FABP12: variants seen among roughly 807,000 people sequenced by gnomAD.
The protein encoded by FABP12 is fatty acid-binding protein 12.
Under a neutral mutation model 13.7 loss-of-function variants are expected in FABP12, and 19 were observed. That is an observed-to-expected ratio of 1.39 (90% CI 0.97 to 2.04). FABP12 has a LOEUF of 2.04. Ranked by LOEUF, FABP12 falls within the 30% of genes most tolerant of loss-of-function variation. The probability of loss-of-function intolerance (pLI) is 0.00; values close to 1 mark genes in which losing one functional copy is unlikely to be tolerated. For synonymous variants in FABP12, 61 were observed against 57.0 expected (o/e 1.07, Z -0.32); for missense variants, 182 against 164.2 (o/e 1.11, Z -0.59).
intron 1 of FABP12, among the ~76,000 whole-genome samples, chr8:81,584,082 C>CA (rs1810207260): frequency 1.3e-5 from 2 of 152,192 alleles, no homozygotes; most frequent in South Asian, 2.1e-4. Context: ...GGCTGAAGGA[C>CA]AAAAAACATA....
intron 1 of FABP12, among the ~76,000 whole-genome samples, chr8:81,556,677 C>A (rs1809622028): frequency 6.7e-6 from 1 of 149,020 alleles, no homozygotes; most frequent in South Asian, 2.1e-4. Flanking sequence ...ATACAAAGAT[C>A]TTCTATAACA....
chr8:81,553,699 T>A (rs1169030843), intron 1 of FABP12, among the ~76,000 whole-genome samples: 2 of 152,230 alleles, frequency 1.3e-5, no homozygotes, highest in Non-Finnish European at 2.9e-5. Context: ...CTGTGTCTCA[T>A]ACTTTCATAA....
At chr8:81,542,396 A>G (rs1320109525) in intron 1 of FABP12, among the ~76,000 whole-genome samples, 1 of 152,172 alleles carries the variant, frequency 6.6e-6, no homozygotes, top group African/African-American at 2.4e-5. Flanking sequence ...TTTGGGAAAT[A>G]TGGTCTGAAT....
chr8:81,529,719 T>C, intron 2 of FABP12, 109 bp from the exon 3 acceptor site: 2 of 994,274 alleles, frequency 2.0e-6, no homozygotes, highest in Non-Finnish European at 2.9e-6. Flanking sequence ...CTCAACATTA[T>C]CTGTATAATT....
intron 1 of FABP12, among the ~76,000 whole-genome samples, chr8:81,545,114 G>A (rs1026895917): frequency 1.3e-5 from 2 of 152,060 alleles, no homozygotes; most frequent in African/African-American, 2.4e-5. Flanking sequence ...TCCACCTCTC[G>A]GGTTCAAGCG....
intron 1 of FABP12, among the ~76,000 whole-genome samples, chr8:81,567,122 A>G (rs1051020200): frequency 2.6e-5 from 4 of 152,192 alleles, no homozygotes; most frequent in Non-Finnish European, 5.9e-5. Flanking sequence ...TTCAATGAAA[A>G]CTATAAACTA....
intron 4 of FABP12, 150 bp from the exon 5 acceptor site, chr8:81,525,270 C>T (rs1808864573): frequency 5.4e-6 from 3 of 555,196 alleles, no homozygotes; most frequent in South Asian, 2.2e-5. Context: ...AATCCCAGCA[C>T]TTTGGAAGGC....
At chr8:81,551,603 G>T (rs10095951) in intron 1 of FABP12, among the ~76,000 whole-genome samples, 16,756 of 152,184 alleles carry the variant, frequency 0.11, 1,119 homozygotes, top group East Asian at 0.26. Flanking sequence ...GTGACACAAA[G>T]TCTAGTGGGG....
rs1808920850 is a variant in FABP12 at position 81,527,048 on chromosome 8, CT to C, written c.319del (p.Arg107GlufsTer14). ...CACCATTTTCCCATCCACCAGCTTT[CT>C]CGTTATGGTGGTTTCTTTGCCATCC... is the stretch of plus-strand genomic sequence containing the variant. On this transcript the variant is annotated frameshift_variant, in exon 4 of 5. Transcript: ENST00000360464. LOFTEE classifies it low-confidence loss of function (END_TRUNC). The C allele has an allele frequency of 1.2e-6, 2 of 1,610,828 alleles. No individual in the cohort carries two copies. Among genetic ancestry groups the C allele is most frequent in the East Asian group, 4.5e-5 (2 of 44,762 alleles).
At chr8:81,533,280 C>T (rs917237672) in intron 1 of FABP12, 6 of 152,258 alleles carry the variant, frequency 3.9e-5, no homozygotes, top group African/African-American at 1.4e-4. Context: ...TTTGTCTACT[C>T]TGTTGTTCAG....
At chr8:81,532,270 CA>C (rs1488548786) in intron 1 of FABP12, among the ~76,000 whole-genome samples, 1 of 152,136 alleles carries the variant, frequency 6.6e-6, no homozygotes, top group Non-Finnish European at 1.5e-5. Context: ...TAATTCTAGG[CA>C]GAGCTTGATG....
chr8:81,581,784 G>T (rs1465122852), intron 1 of FABP12, among the ~76,000 whole-genome samples: 3 of 152,136 alleles, frequency 2.0e-5, no homozygotes, highest in Non-Finnish European at 4.4e-5. Context: ...AAAACTGAGA[G>T]AATTAATCAC....
In FABP12 at chr8:81,527,073, C is replaced by A. The variant is rs752950072; in HGVS notation, c.295G>T (p.Asp99Tyr). ...CTCGTTATGGTGGTTTCTTTGCCAT[C>A]CCAGTCCTGAACTTGAATCAGGGAC... The change falls in exon 4 of 5, where the codon GAT becomes TAT. Residue 99 changes from aspartate (D) to tyrosine (Y), a missense_variant. Asp to Tyr is a radical substitution (Grantham distance 160, BLOSUM62 -3). Coordinates refer to ENST00000360464, the Ensembl canonical transcript of FABP12. 1.9e-6 allele frequency: 3 copies of A among 1,612,496 alleles called. No individual in the cohort carries two copies. In the South Asian group the frequency reaches 3.3e-5, roughly 18 times the overall value.
chr8:81,560,487 T>C (rs1477610865), intron 1 of FABP12, among the ~76,000 whole-genome samples: 2 of 152,190 alleles, frequency 1.3e-5, no homozygotes, highest in Non-Finnish European at 2.9e-5. Context: ...TTTATTGGCC[T>C]CAAAAAAGGT....
intron 1 of FABP12, among the ~76,000 whole-genome samples, chr8:81,558,183 G>C (rs1475792548): frequency 6.6e-6 from 1 of 152,198 alleles, no homozygotes; most frequent in Non-Finnish European, 1.5e-5. Context: ...CCCTGGAAGG[G>C]AGAAAAGAGT....
chr8:81,579,361 C>A (rs749045788), intron 1 of FABP12, among the ~76,000 whole-genome samples: 3 of 151,956 alleles, frequency 2.0e-5, no homozygotes, highest in Non-Finnish European at 2.9e-5. Context: ...TTAGATAAAA[C>A]GACTGAAGAC....
At chr8:81,577,513 C>A (rs1011208950) in intron 1 of FABP12, among the ~76,000 whole-genome samples, 1 of 152,074 alleles carries the variant, frequency 6.6e-6, no homozygotes, top group Non-Finnish European at 1.5e-5. Flanking sequence ...AATCCCAGCA[C>A]TTTGGGAGGC....
At chr8:81,525,231 A>G in intron 4 of FABP12, 111 bp from the exon 5 acceptor site, 1 of 734,238 alleles carries the variant, frequency 1.4e-6, no homozygotes, top group South Asian at 1.8e-5. Flanking sequence ...ATATTGAAAG[A>G]GAGGCCGGGC....
At chr8:81,538,526 CAT>C (rs1809277872), upstream of FABP12, among the ~76,000 whole-genome samples, 1 of 152,108 alleles carries the variant, frequency 6.6e-6, no homozygotes, top group Non-Finnish European at 1.5e-5. Flanking sequence ...AGATTTAAGA[CAT>C]ATGGAGACAA....
Sources: allele counts gnomAD v4.1 joint callset (sites outside exome capture counted in the v4.1 genomes callset), GRCh38; gene constraint gnomAD v4.1.1; transcripts MANE v1.5; gene names NCBI Gene and HGNC (gene_info 2026-07-23, HGNC 2026-07-21).